PIK3C3: variants seen among roughly 807,000 people sequenced by gnomAD.
PIK3C3 encodes the protein PI3-kinase type 3.
Under a neutral mutation model 126.1 loss-of-function variants are expected in PIK3C3, and 95 were observed. The ratio of observed to expected loss-of-function variants is 0.75; its 90% CI spans 0.64 to 0.89. PIK3C3 has a LOEUF of 0.89. Among genes scored for constraint, PIK3C3 ranks in the 40% least tolerant of loss-of-function variants. The pLI is 0.00. For synonymous variants in PIK3C3, 374 were observed against 360.0 expected (o/e 1.04, Z -0.44); for missense variants, 829 against 1,063.2 (o/e 0.78, Z 3.06).
chr18:41,987,989 A>G (rs1157078161), intron 5 of PIK3C3, 91 bp downstream of exon 5: 25 of 746,890 alleles, frequency 3.3e-5, no homozygotes, highest in Non-Finnish European at 4.7e-5. Flanking sequence ...GGTATCTTAC[A>G]AATATAGGAT....
chr18:41,988,712 A>G (rs1981621216), intron 5 of PIK3C3, among the ~76,000 whole-genome samples: 1 of 152,130 alleles, frequency 6.6e-6, no homozygotes, highest in South Asian at 2.1e-4. Context: ...CTTTTATTTT[A>G]AAATAAAGGT....
intron 22 of PIK3C3, among the ~76,000 whole-genome samples, chr18:42,063,616 A>G (rs532707085): frequency 6.6e-6 from 1 of 152,220 alleles, no homozygotes; most frequent in Non-Finnish European, 1.5e-5. Context: ...TAAAATTCAG[A>G]AATGAGGATA....
chr18:41,959,793 CA>C (rs921408024), intron 2 of PIK3C3, among the ~76,000 whole-genome samples: 1 of 149,854 alleles, frequency 6.7e-6, no homozygotes, highest in Non-Finnish European at 1.5e-5. Flanking sequence ...GACTCCATCT[CA>C]AAAAAAAAGA....
intron 15 of PIK3C3, among the ~76,000 whole-genome samples, 190 bp from the exon 16 acceptor site, chr18:42,033,614 TCAAGCGATTGTTTGGTTTAAAG>T (rs1176660538): frequency 1.3e-5 from 2 of 152,222 alleles, no homozygotes; most frequent in Non-Finnish European, 2.9e-5. Context: ...ACTTTCACAG[TCAAGCGATTGTTTGGTTTAAAG>T]CATGCTGCTG....
At chr18:42,064,468 T>C (rs572792392) in intron 22 of PIK3C3, among the ~76,000 whole-genome samples, 1 of 152,254 alleles carries the variant, frequency 6.6e-6, no homozygotes, top group Admixed American at 6.5e-5. Context: ...TATATATACT[T>C]ACTAAAAAAT....
chr18:42,074,148 T>C (rs189653628), intron 24 of PIK3C3, among the ~76,000 whole-genome samples: 125 of 152,284 alleles, frequency 8.2e-4, no homozygotes, highest in African/African-American at 2.7e-3. Flanking sequence ...AGTAAATGTT[T>C]AGATATACTT....
At chr18:41,997,977 T>C (rs1982109207) in intron 9 of PIK3C3, among the ~76,000 whole-genome samples, 1 of 152,174 alleles carries the variant, frequency 6.6e-6, no homozygotes, top group South Asian at 2.1e-4. Context: ...GTTACATATT[T>C]ATTTGAGAAT....
At chr18:41,963,671 A>C (rs1055165208) in intron 3 of PIK3C3, among the ~76,000 whole-genome samples, 1 of 152,186 alleles carries the variant, frequency 6.6e-6, no homozygotes, top group Non-Finnish European at 1.5e-5. Flanking sequence ...TAAAGTTAAA[A>C]AATGTTATTT....
chr18:41,977,635 G>A (rs935955284), intron 4 of PIK3C3, among the ~76,000 whole-genome samples: 3 of 151,898 alleles, frequency 2.0e-5, no homozygotes, highest in Middle Eastern at 3.2e-3. Flanking sequence ...TTACAGGTGC[G>A]TGCCGCCATG....
intron 2 of PIK3C3, among the ~76,000 whole-genome samples, chr18:41,961,155 G>T (rs889082573): frequency 6.6e-6 from 1 of 152,138 alleles, no homozygotes; most frequent in African/African-American, 2.4e-5. Context: ...GTGTTGTCTG[G>T]TAGTCATTAA....
Position 41,990,508 on chromosome 18 carries a change from G to A in PIK3C3, c.668G>A (p.Cys223Tyr), listed in dbSNP as rs552152789. The A allele has an allele frequency of 1.2e-6, 2 of 1,604,142 alleles. No homozygotes were observed. Among genetic ancestry groups the A allele is most frequent in the Admixed American group, 1.7e-5 (1 of 59,802 alleles). ...ATGTACCTGATGGTTGAATTTCGATGTGTCAAGTGTGATGATAAGGAATAT... is the reference window on the plus strand; with the variant it reads ...ATGTACCTGATGGTTGAATTTCGATATGTCAAGTGTGATGATAAGGAATAT... ...NFMYLMVEFR[C>Y]VKCDDKEYGI... Residue 223 changes from cysteine (C) to tyrosine (Y), a missense_variant, in exon 6 of 25, where the codon TGT (cysteine) becomes TAT (tyrosine). Transcript: ENST00000262039.
At chr18:41,960,566 T>G (rs974698200) in intron 2 of PIK3C3, among the ~76,000 whole-genome samples, 1 of 152,114 alleles carries the variant, frequency 6.6e-6, no homozygotes, top group Non-Finnish European at 1.5e-5. Context: ...TGTTGCCAAG[T>G]GAATGTAATC....
At chr18:41,963,701 A>T (rs1980212457) in intron 3 of PIK3C3, among the ~76,000 whole-genome samples, 1 of 152,164 alleles carries the variant, frequency 6.6e-6, no homozygotes, top group Non-Finnish European at 1.5e-5. Flanking sequence ...ATCATTAAGT[A>T]TGAGGAGGAT....
At chr18:42,076,195 CACAT>C (rs1986022379) in intron 24 of PIK3C3, among the ~76,000 whole-genome samples, 1 of 111,910 alleles carries the variant, frequency 8.9e-6, no homozygotes, top group East Asian at 2.6e-4. Context: ...TATATATGCA[CACAT>C]ATATATATGC....
chr18:41,967,448 G>A (rs1287243327), intron 3 of PIK3C3, among the ~76,000 whole-genome samples: 1 of 151,932 alleles, frequency 6.6e-6, no homozygotes, highest in Admixed American at 6.6e-5. Flanking sequence ...ACCATCCCTC[G>A]CCTTTTCCCC....
chr18:42,069,123 C>G (rs985859553), intron 24 of PIK3C3, among the ~76,000 whole-genome samples: 8 of 152,102 alleles, frequency 5.3e-5, no homozygotes, highest in African/African-American at 1.9e-4. Context: ...TTAGCTTATA[C>G]TCTTTTTCTA....
At chr18:41,987,236 T>G (rs1230782300) in intron 4 of PIK3C3, among the ~76,000 whole-genome samples, 1 of 152,078 alleles carries the variant, frequency 6.6e-6, no homozygotes, top group Non-Finnish European at 1.5e-5. Context: ...ATTAAAGTTA[T>G]AAAACTAAGG....
At chr18:42,049,723 C>T (rs1441945077) in intron 21 of PIK3C3, 118 bp downstream of exon 21, 3 of 768,884 alleles carry the variant, frequency 3.9e-6, no homozygotes, top group Non-Finnish European at 6.6e-6. Context: ...CCCGTAATCC[C>T]AGCACTTTGG....
chr18:42,025,480 T>G (rs1210199233), intron 13 of PIK3C3: 4 of 152,236 alleles, frequency 2.6e-5, no homozygotes, highest in Non-Finnish European at 5.9e-5. Flanking sequence ...GCCCCACTTC[T>G]CTGTCTTTCC....
Sources: allele counts gnomAD v4.1 joint callset (sites outside exome capture counted in the v4.1 genomes callset), GRCh38; gene constraint gnomAD v4.1.1; transcripts MANE v1.5; gene names NCBI Gene and HGNC (gene_info 2026-07-23, HGNC 2026-07-21).